Variants in ATAD2 observed in about 807,000 individuals in gnomAD.
ATAD2 encodes the protein ATPase family AAA domain containing 2.
A neutral mutation model predicts 168.9 loss-of-function variants in ATAD2; 62 were observed. That is an observed-to-expected ratio of 0.37 (90% CI 0.30 to 0.45). The LOEUF (loss-of-function observed/expected upper bound fraction) is 0.45. Ranked by LOEUF, ATAD2 falls within the 20% of genes least tolerant of loss-of-function variation. The pLI is 1.00. For missense variants in ATAD2, 1,419 were observed against 1,667.8 expected (o/e 0.85, Z 2.60); for synonymous variants, 613 against 571.6 (o/e 1.07, Z -1.03).
intron 1 of ATAD2, among the ~76,000 whole-genome samples, chr8:123,411,674 G>A (rs1813162042): frequency 6.6e-6 from 1 of 152,122 alleles, no homozygotes; most frequent in African/African-American, 2.4e-5. Flanking sequence ...CCAGGCATTT[G>A]AGCTGGCAAC....
chr8:123,336,951 G>A (rs1222509505), intron 21 of ATAD2, among the ~76,000 whole-genome samples: 1 of 151,444 alleles, frequency 6.6e-6, no homozygotes, highest in African/African-American at 2.4e-5. Context: ...AGACTAGGCT[G>A]GGCAACACAG....
At chr8:123,354,493 G>T (rs1828567745) in intron 13 of ATAD2, among the ~76,000 whole-genome samples, 1 of 151,992 alleles carries the variant, frequency 6.6e-6, no homozygotes, top group Admixed American at 6.6e-5. Context: ...ATCACCTAAA[G>T]TCAGGAGTTC....
chr8:123,403,954 T>C (rs1316813983), intron 1 of ATAD2, among the ~76,000 whole-genome samples: 5 of 152,270 alleles, frequency 3.3e-5, no homozygotes, highest in African/African-American at 1.2e-4. Context: ...CTATTTTAGC[T>C]GGTCAGAGCT....
chr8:123,378,840 C>T (rs1829405117), intron 2 of ATAD2, among the ~76,000 whole-genome samples: 1 of 149,518 alleles, frequency 6.7e-6, no homozygotes, highest in African/African-American at 2.5e-5. Flanking sequence ...AACAGGGTCT[C>T]ACTCTCAGTG....
At chr8:123,375,851 G>C (rs2129798422) in intron 2 of ATAD2, among the ~76,000 whole-genome samples, 1 of 152,132 alleles carries the variant, frequency 6.6e-6, no homozygotes, top group African/African-American at 2.4e-5. Flanking sequence ...GCTTATGCCT[G>C]TAATCCCAGC....
chr8:123,399,894 T>A (rs1262192327), upstream of ATAD2, among the ~76,000 whole-genome samples: 1 of 151,160 alleles, frequency 6.6e-6, no homozygotes, highest in Non-Finnish European at 1.5e-5. Flanking sequence ...AGGCCAGGCA[T>A]GTGTCACACC....
chr8:123,372,691 A>G lies in ATAD2; in HGVS notation c.321-5T>C, dbSNP rs1163706161. On this transcript the variant is annotated splice_region_variant and splice_polypyrimidine_tract_variant and intron_variant, in intron 2 of 27. Transcript: ENST00000287394. Reference sequence around the variant, plus strand: ...GCCTGCTGTCTGGCCAACTGCCTATATTTTAAAAAATTAGATTAATTCAAA... The same window carrying G: ...GCCTGCTGTCTGGCCAACTGCCTATGTTTTAAAAAATTAGATTAATTCAAA... The G allele has an allele frequency of 6.4e-6, 10 of 1,571,482 alleles. No homozygotes were observed. Among genetic ancestry groups the G allele is most frequent in the Non-Finnish European group, 8.6e-6 (10 of 1,160,106 alleles).
At chr8:123,412,493 C>T (rs146966767) in intron 1 of ATAD2, among the ~76,000 whole-genome samples, 20 of 152,132 alleles carry the variant, frequency 1.3e-4, no homozygotes, top group African/African-American at 4.3e-4. Flanking sequence ...AGTGCAGTGG[C>T]GTAATCACAG....
At chr8:123,342,191 A>G (rs1247007247) in intron 19 of ATAD2, among the ~76,000 whole-genome samples, 2 of 152,242 alleles carry the variant, frequency 1.3e-5, no homozygotes, top group Non-Finnish European at 1.5e-5. Flanking sequence ...AAACTTGCCA[A>G]TGTAATCAAC....
At chr8:123,348,365 A>C in intron 14 of ATAD2, 92 bp from the exon 15 acceptor site, 1 of 1,078,340 alleles carries the variant, frequency 9.3e-7, no homozygotes, top group Non-Finnish European at 1.3e-6. Flanking sequence ...TTGATTATCT[A>C]AAATTTTAAA....
At position 123,364,555 on chromosome 8, in the gene ATAD2, G is replaced by A. The variant is rs149856228; in HGVS notation, c.1050-2909C>T. Among the ~76,000 whole-genome samples the A allele has an allele frequency of 1.2e-4, 18 of 152,006 alleles. No homozygotes were observed. The South Asian group carries it at 2.9e-3, about 25-fold the overall frequency. On this transcript the variant is annotated intron_variant, in intron 8 of 27. Coordinates refer to ENST00000287394, the MANE Select transcript of ATAD2 (RefSeq NM_014109.4). ...ATACTAGCTAATCGAATCCAACAAC[G>A]TATCAAAAAAGATAATCTACTATGA...
intron 15 of ATAD2, chr8:123,347,957 T>C: frequency 1.8e-6 from 1 of 563,086 alleles, no homozygotes; most frequent in Non-Finnish European, 3.1e-6. Context: ...TTGTCAAATA[T>C]CTCTATTTAA....
At chr8:123,412,605 A>AT (rs1423406370) in intron 1 of ATAD2, among the ~76,000 whole-genome samples, 4 of 149,914 alleles carry the variant, frequency 2.7e-5, no homozygotes, top group African/African-American at 7.4e-5. Context: ...ATTAAAAAAA[A>AT]TTTTTTTTTT....
intron 1 of ATAD2, among the ~76,000 whole-genome samples, chr8:123,387,730 C>T (rs1459635441): frequency 5.9e-5 from 9 of 152,048 alleles, no homozygotes; most frequent in African/African-American, 2.2e-4. Context: ...AGTAAGTTAA[C>T]ATAGAGAAAA....
intron 1 of ATAD2, among the ~76,000 whole-genome samples, chr8:123,388,719 G>T (rs150138993): frequency 6.6e-6 from 1 of 151,898 alleles, no homozygotes; most frequent in Admixed American, 6.6e-5. Context: ...GGTGGGGGCG[G>T]GGGGGTGGTC....
At position 123,333,953 on chromosome 8, in the gene ATAD2, C is replaced by T. The variant is rs1178417889; in HGVS notation, c.3403G>A (p.Gly1135Ser). ...TGCTCTGGGTCTGATCTTTTATCAC[C>T]AACAAGAGTGGAATTTTGCTTTGGC... is the stretch of plus-strand genomic sequence containing the variant. Reference protein sequence around the residue: ...VMPKQNSTLVGDKRSDPEQNE... With the variant: ...VMPKQNSTLVSDKRSDPEQNE... Residue 1135 changes from glycine to serine, a missense_variant, in exon 24 of 28, where the codon GGT becomes AGT. Coordinates refer to ENST00000287394, the MANE Select transcript of ATAD2 (RefSeq NM_014109.4). The T allele has an allele frequency of 6.2e-7, 1 of 1,614,012 alleles. No homozygotes were observed.
At chr8:123,341,370 A>G in intron 19 of ATAD2, among the ~76,000 whole-genome samples, 1 of 152,186 alleles carries the variant, frequency 6.6e-6, no homozygotes, top group Non-Finnish European at 1.5e-5. Context: ...AGTTTGTCTT[A>G]CTTGTTACCC....
intron 1 of ATAD2, among the ~76,000 whole-genome samples, chr8:123,383,950 A>G (rs1829571227): frequency 1.4e-5 from 2 of 146,160 alleles, no homozygotes; most frequent in South Asian, 4.6e-4. Context: ...GTGTGGTAGC[A>G]CGTGCCTGTA....
intron 2 of ATAD2, among the ~76,000 whole-genome samples, chr8:123,378,745 C>T (rs1178548666): frequency 2.8e-5 from 4 of 141,004 alleles, no homozygotes; most frequent in Admixed American, 7.2e-5. Context: ...CATTTAAGAG[C>T]AGGAGGATTT....
Sources: allele counts gnomAD v4.1 joint callset (sites outside exome capture counted in the v4.1 genomes callset), GRCh38; gene constraint gnomAD v4.1.1; transcripts MANE v1.5; gene names NCBI Gene and HGNC (gene_info 2026-07-23, HGNC 2026-07-21).